Variants in CCDC141 observed in about 807,000 individuals in gnomAD.
CCDC141 encodes the protein coiled-coil domain containing 141.
In CCDC141, 168 loss-of-function variants were observed where a neutral mutation model predicts 181.0. The observed-to-expected ratio is 0.93, with a 90% CI of 0.82 to 1.05. The LOEUF (loss-of-function observed/expected upper bound fraction) is 1.05. Ranked by LOEUF, CCDC141 falls within the 50% of genes least tolerant of loss-of-function variation. The probability of loss-of-function intolerance (pLI) is 0.00; values close to 1 mark genes in which losing one functional copy is unlikely to be tolerated. For synonymous variants in CCDC141, 666 were observed against 642.3 expected (o/e 1.04, Z -0.56); for missense variants, 1,902 against 1,788.5 (o/e 1.06, Z -1.14).
At chr2:178,958,185 G>A (rs1690239629) in intron 5 of CCDC141, among the ~76,000 whole-genome samples, 2 of 152,132 alleles carry the variant, frequency 1.3e-5, no homozygotes, top group South Asian at 2.1e-4. Context: ...CAGTGAAAAT[G>A]GTTTCTATGA....
intron 20 of CCDC141, among the ~76,000 whole-genome samples, chr2:178,851,638 C>T (rs1198841607): frequency 6.6e-6 from 1 of 152,158 alleles, no homozygotes; most frequent in Non-Finnish European, 1.5e-5. Context: ...ACTTCCAGAC[C>T]TCAGAAGTGT....
In CCDC141 at chr2:178,915,710, G is replaced by C. The variant is rs908094499; in HGVS notation, c.1092+3003C>G. 6.6e-5 allele frequency: 10 copies of C among 152,150 alleles called. 1 individual carries two copies. The highest frequency in any genetic ancestry group is 6.6e-4 in the Admixed American group (10 of 15,266). The allele number at this position is 152,150 out of a possible 1,614,324, so 9.4% of individuals were successfully genotyped here. ...TCTGGTGCTCCTACACATCTCACTG[G>C]TAGGTCAAGAATACAAGACTCTGAT... On this transcript the variant is annotated intron_variant, in intron 7 of 23. Coordinates refer to ENST00000443758, the MANE Select transcript of CCDC141 (RefSeq NM_173648.4).
intron 7 of CCDC141, among the ~76,000 whole-genome samples, chr2:178,908,168 T>C (rs1312415738): frequency 6.6e-6 from 1 of 152,008 alleles, no homozygotes; most frequent in Non-Finnish European, 1.5e-5. Context: ...TAAAGCGGAG[T>C]TTGTTGTTAA....
intron 11 of CCDC141, among the ~76,000 whole-genome samples, chr2:178,882,207 C>T (rs1464557401): frequency 6.6e-6 from 1 of 151,886 alleles, no homozygotes; most frequent in Non-Finnish European, 1.5e-5. Flanking sequence ...CCCCTCTCTA[C>T]TAAAAATACA....
the CCDC141 span, among the ~76,000 whole-genome samples, chr2:178,816,255 C>G: frequency 6.6e-6 from 1 of 152,176 alleles, no homozygotes; most frequent in African/African-American, 2.4e-5. Context: ...TGTCTCTGTA[C>G]TGTTTTCTTT....
Position 178,857,603 on chromosome 2 carries a change from C to G in CCDC141, c.2725-1206G>C, listed in dbSNP as rs1453119978. 2.6e-5 allele frequency among the ~76,000 whole-genome samples: 4 copies of G among 152,122 alleles called. No homozygotes were observed. In the East Asian group the frequency reaches 5.8e-4, roughly 22 times the overall value. Reference sequence around the variant, plus strand: ...AAATGCACCACTTTCTGTCCCTTCTCTATATTTAAGAAGGATAAGCATATC... The same window carrying G: ...AAATGCACCACTTTCTGTCCCTTCTGTATATTTAAGAAGGATAAGCATATC... On this transcript the variant is annotated intron_variant, in intron 17 of 23. Transcript: ENST00000443758.
intron 6 of CCDC141, 74 bp downstream of exon 6, chr2:178,944,461 T>A: frequency 1.6e-6 from 1 of 613,708 alleles, no homozygotes; most frequent in Admixed American, 3.6e-5. Context: ...TCCTCTAAAT[T>A]ACCCACAGAA....
intron 4 of CCDC141, among the ~76,000 whole-genome samples, chr2:178,967,858 G>A (rs1690708711): frequency 6.6e-6 from 1 of 152,004 alleles, no homozygotes; most frequent in Non-Finnish European, 1.5e-5. Context: ...TATGTGCAAA[G>A]ACACACATAG....
chr2:178,899,344 G>C (rs1299566565), intron 8 of CCDC141, among the ~76,000 whole-genome samples: 2 of 152,128 alleles, frequency 1.3e-5, no homozygotes, highest in East Asian at 3.8e-4. Flanking sequence ...TTCTCAGAAT[G>C]TATCCTCACT....
intron 8 of CCDC141, among the ~76,000 whole-genome samples, chr2:178,896,370 G>A (rs1310240504): frequency 6.6e-6 from 1 of 152,192 alleles, no homozygotes; most frequent in African/African-American, 2.4e-5. Context: ...TCCTTGATGT[G>A]CAGCTCCCTG....
intron 8 of CCDC141, among the ~76,000 whole-genome samples, chr2:178,900,402 C>T (rs1481131279): frequency 6.6e-6 from 1 of 152,104 alleles, no homozygotes; most frequent in Non-Finnish European, 1.5e-5. Flanking sequence ...TAATTTCATA[C>T]ATGTAGAGTG....
intron 2 of CCDC141, among the ~76,000 whole-genome samples, chr2:179,041,491 GTTTTTTTT>G (rs35229059): frequency 3.4e-4 from 20 of 58,866 alleles, no homozygotes; most frequent in African/African-American, 1.4e-3. Flanking sequence ...TTGGTTGTGG[GTTTTTTTT>G]TTTTTTTTTT....
chr2:179,043,694 A>C (rs1286502409), intron 2 of CCDC141, among the ~76,000 whole-genome samples: 1 of 152,238 alleles, frequency 6.6e-6, no homozygotes, highest in Non-Finnish European at 1.5e-5. Flanking sequence ...CAAAAGCCAT[A>C]TATGACAAAC....
At chr2:178,956,012 A>T (rs964256696) in intron 5 of CCDC141, among the ~76,000 whole-genome samples, 18 of 152,180 alleles carry the variant, frequency 1.2e-4, no homozygotes, top group African/African-American at 3.4e-4. Flanking sequence ...TCTTTTTCAG[A>T]CATGATGGTA....
At chr2:178,903,377 A>C (rs1420428761) in intron 8 of CCDC141, among the ~76,000 whole-genome samples, 2 of 152,052 alleles carry the variant, frequency 1.3e-5, no homozygotes, top group Non-Finnish European at 2.9e-5. Context: ...ACAATGATAG[A>C]CTGGATTAAG....
At chr2:178,936,842 A>G (rs1006262211) in intron 6 of CCDC141, among the ~76,000 whole-genome samples, 10 of 151,770 alleles carry the variant, frequency 6.6e-5, no homozygotes, top group African/African-American at 2.4e-4. Flanking sequence ...TAGGAATTTA[A>G]TTTGTTTTGC....
chr2:178,818,609 C>T, the CCDC141 span, among the ~76,000 whole-genome samples: 1 of 152,212 alleles, frequency 6.6e-6, no homozygotes, highest in Non-Finnish European at 1.5e-5. Context: ...GACATGATCT[C>T]ATTCCTTTTT....
chr2:178,822,693 T>C, the CCDC141 span, among the ~76,000 whole-genome samples: 1 of 152,212 alleles, frequency 6.6e-6, no homozygotes, highest in Non-Finnish European at 1.5e-5. Flanking sequence ...AGGATTCAGA[T>C]GGCCCTATGT....
intron 11 of CCDC141, among the ~76,000 whole-genome samples, chr2:178,882,242 G>A (rs895459350): frequency 1.6e-4 from 25 of 152,012 alleles, no homozygotes; most frequent in African/African-American, 4.4e-4. Flanking sequence ...ATGGTGGTGC[G>A]TGCTTGTAAT....
Sources: gnomAD v4.1 joint callset for allele counts (sites outside exome capture counted in the v4.1 genomes callset) on GRCh38, gnomAD v4.1.1 for gene constraint, MANE v1.5 for transcripts, NCBI Gene and HGNC (gene_info 2026-07-23, HGNC 2026-07-21) for gene names.